The following RIPOR1 variants were observed in gnomAD, a reference collection of about 807,000 sequenced individuals.
RIPOR1 encodes RHO family interacting cell polarization regulator 1.
A neutral mutation model predicts 116.5 loss-of-function variants in RIPOR1; 58 were observed. The ratio of observed to expected loss-of-function variants is 0.50; its 90% CI spans 0.40 to 0.62. The LOEUF is 0.62. Among genes scored for constraint, RIPOR1 ranks in the 20% least tolerant of loss-of-function variants. The pLI is 0.00. For synonymous variants in RIPOR1, 605 were observed against 650.0 expected (o/e 0.93, Z 1.05); for missense variants, 1,372 against 1,586.2 (o/e 0.86, Z 2.29).
intron 1 of RIPOR1, among the ~76,000 whole-genome samples, chr16:67,522,012 C>T (rs1441419232): frequency 3.3e-5 from 5 of 150,864 alleles, no homozygotes; most frequent in Non-Finnish European, 7.4e-5. Context: ...ACTTTCTCCA[C>T]TCCACCATGT....
intron 20 of RIPOR1, 43 bp downstream of exon 20, chr16:67,546,075 AC>A: frequency 8.4e-7 from 1 of 1,186,558 alleles, no homozygotes; most frequent in Non-Finnish European, 1.2e-6. Context: ...CGCTTCCGGC[AC>A]CCCCACCCCT....
chr16:67,543,437 CGAA>C lies in RIPOR1; in HGVS notation c.2571_2573del (p.Glu857del), dbSNP rs2051061740. 1 of 1,559,654 alleles carries C rather than the reference CGAA, an allele frequency of 6.4e-7. No homozygotes were observed. The highest frequency in any genetic ancestry group is 1.4e-5 in the African/African-American group (1 of 73,584). ...AGAGCTTCAGCTTCCTCAATGAAGA[CGAA>C]GATGAAGACAATGATGTTCCTGGGG... is the stretch of plus-strand genomic sequence containing the variant. On this transcript the variant is annotated inframe_deletion, in exon 14 of 22. Transcript: ENST00000042381. This position sits in a 1 kb window ranked among gnomAD's most constrained non-coding sequence, Gnocchi z 4.7.
chr16:67,539,510 G>A (rs2050907431), intron 4 of RIPOR1: 1 of 623,978 alleles, frequency 1.6e-6, no homozygotes, highest in Non-Finnish European at 2.9e-6. Flanking sequence ...CCAGGGAAGA[G>A]GTGGAAGGAG....
upstream of RIPOR1, among the ~76,000 whole-genome samples, chr16:67,527,053 G>C (rs1415172547): frequency 6.6e-6 from 1 of 152,136 alleles, no homozygotes. Context: ...CCCTGAGACT[G>C]GATGATATTT....
chr16:67,539,745 G>C lies in RIPOR1; in HGVS notation c.354G>C (p.Leu118=). 6.2e-7 allele frequency: 1 copy of C among 1,614,156 alleles called. No individual in the cohort carries two copies. The highest frequency in any genetic ancestry group is 8.5e-7 in the Non-Finnish European group (1 of 1,180,014). ...CCCTGCAGGGCTTCCTGTATGATCTGGACAAGGTGAGTATGCATGGAATGG... is the reference window on the plus strand; with the variant it reads ...CCCTGCAGGGCTTCCTGTATGATCTCGACAAGGTGAGTATGCATGGAATGG... The part of the protein sequence containing the change: ...RNSRLGFLYD[L]DKQVKSIERF... The change falls in exon 5 of 22, where the codon CTG becomes CTC. Residue 118 remains leucine (L), a synonymous_variant. Transcript: ENST00000042381.
rs1054907137 is a variant in RIPOR1, at chr16:67,540,018, C to T, written c.415-35C>T. 2.0e-5 allele frequency: 33 copies of T among 1,613,836 alleles called. No homozygotes were observed. The highest frequency in any genetic ancestry group is 2.8e-5 in the Non-Finnish European group (33 of 1,179,898). On this transcript the variant is annotated intron_variant, in intron 6 of 21. Coordinates refer to ENST00000042381, the MANE Select transcript of RIPOR1 (RefSeq NM_024519.4). This position sits in a 1 kb window ranked among gnomAD's most constrained non-coding sequence, Gnocchi z 4.7. ...GGTGAGTAACCCCAGAGGTGAGTCT[C>T]AGTCCCCCTACTGTCACCCCACTCA...
rs1248271106 is a variant in RIPOR1, at chr16:67,530,001, A to G, written c.-24+1087A>G. The G allele has an allele frequency of 1.5e-6, 1 of 685,154 alleles. No homozygotes were observed. The highest frequency in any genetic ancestry group is 2.1e-5 in the Admixed American group (1 of 47,976). The allele number at this position is 685,154 out of a possible 1,614,324, so 42.4% of individuals were successfully genotyped here. On this transcript the variant is annotated intron_variant, in intron 1 of 21. Coordinates refer to ENST00000042381, the MANE Select transcript of RIPOR1 (RefSeq NM_024519.4). The surrounding 1 kb of genome is among the most constrained non-coding windows in gnomAD (Gnocchi z 4.5). ...TGGGGGCTGAGGTACAAAATACTCC[A>G]GCGGGACAAGGAGGACTGGCATAGC...
At chr16:67,538,136 C>T (rs1371559805) in intron 1 of RIPOR1, 2 of 351,760 alleles carry the variant, frequency 5.7e-6, no homozygotes, top group Non-Finnish European at 1.0e-5. Flanking sequence ...CCTTCCCAGC[C>T]GGAGGAGGGT....
chr16:67,544,529 A>G lies in RIPOR1; in HGVS notation c.2733+98A>G. On this transcript the variant is annotated intron_variant, in intron 15 of 21. Transcript: ENST00000042381. This position sits in a 1 kb window ranked among gnomAD's most constrained non-coding sequence, Gnocchi z 5.1. ...GTCCTCTATACCTCCTCTGAGTGCC[A>G]CACCCCAGTGCCCCAGGGCCCTTGG... 1 of 1,538,396 alleles carries G rather than the reference A, an allele frequency of 6.5e-7. No homozygotes were observed. The highest frequency in any genetic ancestry group is 8.8e-7 in the Non-Finnish European group (1 of 1,136,626).
chr16:67,529,932 G>C lies in RIPOR1; in HGVS notation c.-24+1018G>C. On this transcript the variant is annotated intron_variant, in intron 1 of 21. Transcript: ENST00000042381. This position sits in a 1 kb window ranked among gnomAD's most constrained non-coding sequence, Gnocchi z 4.1. ...ATTAGATCTGAGTCCTTGCCCCTGCGACACCCACCTCCGTGGTATTGGAGG... is the reference window on the plus strand; with the variant it reads ...ATTAGATCTGAGTCCTTGCCCCTGCCACACCCACCTCCGTGGTATTGGAGG... The C allele has an allele frequency of 1.1e-6, 1 of 950,844 alleles. No homozygotes were observed. 58.9% of individuals were successfully genotyped at this position (950,844 alleles called of 1,614,324 possible).
In RIPOR1 at chr16:67,537,849, G is replaced by C. The variant is rs1017588981; in HGVS notation, c.-23-575G>C. Among the ~76,000 whole-genome samples, 2 of 151,960 alleles carry C rather than the reference G, an allele frequency of 1.3e-5. No individual in the cohort carries two copies. Among genetic ancestry groups the C allele is most frequent in the Admixed American group, 6.5e-5 (1 of 15,276 alleles). ...GGAATCCCCCTGCCTGGAGGGCGCC[G>C]GGACGCCCGGGCCGGTGGGGGCTGG... is the stretch of plus-strand genomic sequence containing the variant. On this transcript the variant is annotated intron_variant, in intron 1 of 21. Coordinates refer to ENST00000042381, the MANE Select transcript of RIPOR1 (RefSeq NM_024519.4). This position sits in a 1 kb window ranked among gnomAD's most constrained non-coding sequence, Gnocchi z 4.6.
chr16:67,546,273 A>G, intron 21 of RIPOR1, 42 bp downstream of exon 21: 1 of 1,610,838 alleles, frequency 6.2e-7, no homozygotes, highest in South Asian at 1.1e-5. Context: ...GTTCTGGGAC[A>G]TCTTGGCTGA....
chr16:67,533,066 G>A (rs1277020313), intron 1 of RIPOR1, among the ~76,000 whole-genome samples: 1 of 151,994 alleles, frequency 6.6e-6, no homozygotes, highest in Non-Finnish European at 1.5e-5. Context: ...GCAGGAGGGG[G>A]TGACCTGGCA....
At chr16:67,527,508 G>A (rs1230726615), upstream of RIPOR1, among the ~76,000 whole-genome samples, 1 of 152,178 alleles carries the variant, frequency 6.6e-6, no homozygotes, top group Non-Finnish European at 1.5e-5. Context: ...TACTTTGGGA[G>A]GCCAAGGTGG....
upstream of RIPOR1, among the ~76,000 whole-genome samples, chr16:67,525,010 G>A (rs369232805): frequency 4.6e-5 from 7 of 152,338 alleles, no homozygotes; most frequent in East Asian, 3.9e-4. Flanking sequence ...GGCCCCGCAC[G>A]CAATTCTCCA....
At position 67,531,539 on chromosome 16, in the gene RIPOR1, A is replaced by C. The variant is rs1361189815; in HGVS notation, c.-24+2625A>C. 9.1e-6 allele frequency: 4 copies of C among 441,740 alleles called. No homozygotes were observed. Among genetic ancestry groups the C allele is most frequent in the African/African-American group, 8.1e-5 (4 of 49,280 alleles). The allele number at this position is 441,740 out of a possible 1,614,324, so 27.4% of individuals were successfully genotyped here. A position where few individuals can be genotyped will look rare whatever the true frequency, so the allele number is the denominator to read the frequency against. ...CCTGGAGGAAGAAGTCATAGGGTAG[A>C]CTTGAGGAAGGAGAGGGACTTGGGG... is the stretch of plus-strand genomic sequence containing the variant. On this transcript the variant is annotated intron_variant, in intron 1 of 21. Coordinates refer to ENST00000042381, the MANE Select transcript of RIPOR1 (RefSeq NM_024519.4). This position sits in a 1 kb window ranked among gnomAD's most constrained non-coding sequence, Gnocchi z 4.2.
chr16:67,527,105 T>C (rs1237596758), upstream of RIPOR1, among the ~76,000 whole-genome samples: 1 of 152,116 alleles, frequency 6.6e-6, no homozygotes, highest in African/African-American at 2.4e-5. Flanking sequence ...CCCCTGGAAG[T>C]CATGCCCAGG....
rs779203477 is a variant in RIPOR1 at position 67,544,855 on chromosome 16, C to T, written c.2869+25C>T. 11 of 1,590,248 alleles carry T rather than the reference C, an allele frequency of 6.9e-6. No individual in the cohort carries two copies. Among genetic ancestry groups the T allele is most frequent in the East Asian group, 4.5e-5 (2 of 44,402 alleles). On this transcript the variant is annotated intron_variant, in intron 16 of 21. Coordinates refer to ENST00000042381, the MANE Select transcript of RIPOR1 (RefSeq NM_024519.4). This position sits in a 1 kb window ranked among gnomAD's most constrained non-coding sequence, Gnocchi z 5.1. ...GGTAAAGGCCCTGGGGGTTCGGGCT[C>T]TGCCATCTGCCTTGAAGCTCCTACC...
rs1024351984 is a variant in RIPOR1 at position 67,537,351 on chromosome 16, G to GC, written c.-23-1067dup. The GC allele has an allele frequency of 1.6e-6, 2 of 1,217,198 alleles. No individual in the cohort carries two copies. Among genetic ancestry groups the GC allele is most frequent in the Non-Finnish European group, 2.0e-6 (2 of 975,954 alleles). 75.4% of individuals were successfully genotyped at this position (1,217,198 alleles called of 1,614,324 possible). On this transcript the variant is annotated intron_variant, in intron 1 of 21. Coordinates refer to ENST00000042381, the MANE Select transcript of RIPOR1 (RefSeq NM_024519.4). This position sits in a 1 kb window ranked among gnomAD's most constrained non-coding sequence, Gnocchi z 4.6. ...CTGACCCCAGCTGAGCAGACCCCTC[G>GC]CCCCCCGTCGGTCCCCTCCCCGAGG...
Sources: allele counts gnomAD v4.1 joint callset (sites outside exome capture counted in the v4.1 genomes callset), GRCh38; gene constraint gnomAD v4.1.1; non-coding constraint Gnocchi (gnomAD v3.1); transcripts MANE v1.5; gene names NCBI Gene and HGNC (gene_info 2026-07-23, HGNC 2026-07-21).